GNAS: variants seen among roughly 807,000 people sequenced by gnomAD.
GNAS encodes protein ALEX.
GNAS carries 8 observed loss-of-function variants against 54.5 expected under a neutral mutation model. The ratio of observed to expected loss-of-function variants is 0.15; its 90% CI spans 0.09 to 0.26. The LOEUF (loss-of-function observed/expected upper bound fraction) is 0.26. Ranked by LOEUF, GNAS falls within the 10% of genes least tolerant of loss-of-function variation. The probability of loss-of-function intolerance (pLI) is 1.00; values close to 1 mark genes in which losing one functional copy is unlikely to be tolerated. For synonymous variants in GNAS, 204 were observed against 191.4 expected (o/e 1.07, Z -0.54); for missense variants, 170 against 529.8 (o/e 0.32, Z 6.67).
Position 58,880,965 on chromosome 20 carries a change from C to T in GNAS, c.44-14647C>T, listed in dbSNP as rs3736779. Among the ~76,000 whole-genome samples, 325 of 152,242 alleles carry T rather than the reference C, an allele frequency of 2.1e-3. 8 individuals are homozygous for T. In the East Asian group the frequency reaches 0.043, roughly 20 times the overall value. On this transcript the variant is annotated intron_variant, in intron 1 of 12. Transcript: ENST00000306090. ...AAAACACATTTAACACATTTAAGAACGTGCCAGGTATGAAATATAAAGTAT... is the reference window on the plus strand; with the variant it reads ...AAAACACATTTAACACATTTAAGAATGTGCCAGGTATGAAATATAAAGTAT...
intron 2 of GNAS, chr20:58,897,810 C>G (rs2090207376): frequency 6.6e-6 from 1 of 152,164 alleles, no homozygotes. Context: ...ATCCAACTGC[C>G]TCCTTTTTTC....
Position 58,857,501 on chromosome 20 carries a change from G to A in GNAS, c.43+16615G>A, listed in dbSNP as rs1054465508. On this transcript the variant is annotated intron_variant, in intron 1 of 12. Coordinates refer to the GNAS transcript ENST00000306090. This position sits in a 1 kb window ranked among gnomAD's most constrained non-coding sequence, Gnocchi z 4.1. ...GGGAGGACATAAATGCATACAGACA[G>A]GAGACCCAAGTGACAGTGTGCACCT... Among the ~76,000 whole-genome samples the A allele has an allele frequency of 3.3e-5, 5 of 152,200 alleles. No homozygotes were observed. The highest frequency in any genetic ancestry group is 2.6e-4 in the Admixed American group (4 of 15,280).
chr20:58,889,326 C>T (rs2088879254), upstream of GNAS: 6 of 989,322 alleles, frequency 6.1e-6, no homozygotes, highest in South Asian at 4.6e-5. Context: ...CAGGCGCTGC[C>T]TTGCGTGTGA....
At chr20:58,850,239 TC>T (rs1484820439) in intron 1 of GNAS, among the ~76,000 whole-genome samples, 3 of 152,222 alleles carry the variant, frequency 2.0e-5, no homozygotes, top group Non-Finnish European at 4.4e-5. Flanking sequence ...GGAGTTCTTT[TC>T]TTCCATTTGT....
chr20:58,844,797 CAAAA>C (rs148823649), intron 1 of GNAS, among the ~76,000 whole-genome samples: 3 of 139,242 alleles, frequency 2.2e-5, no homozygotes, highest in Non-Finnish European at 4.7e-5. Flanking sequence ...GACTCCATCT[CAAAA>C]AAAAAACAAA....
chr20:58,900,231 G>C (rs2090483592), intron 3 of GNAS: 2 of 525,508 alleles, frequency 3.8e-6, no homozygotes, highest in East Asian at 3.2e-5. Context: ...TGTACCAAAA[G>C]TTGGCATTTG....
chr20:58,880,551 TA>T (rs557377197), intron 1 of GNAS, among the ~76,000 whole-genome samples: 1 of 152,220 alleles, frequency 6.6e-6, no homozygotes, highest in African/African-American at 2.4e-5. Flanking sequence ...GTCATGTTTC[TA>T]AAAGGACAAG....
intron 1 of GNAS, chr20:58,881,806 A>G (rs1210322615): frequency 2.0e-5 from 3 of 152,208 alleles, no homozygotes; most frequent in African/African-American, 4.8e-5. Context: ...ACCCTGGGAT[A>G]AAAATAGATG....
Position 58,847,498 on chromosome 20 carries a change from T to C in GNAS, c.43+6612T>C, listed in dbSNP as rs763280500. Among the ~76,000 whole-genome samples, 7 of 152,242 alleles carry C rather than the reference T, an allele frequency of 4.6e-5. No individual in the cohort carries two copies. The South Asian group carries it at 8.3e-4, about 18-fold the overall frequency. On this transcript the variant is annotated intron_variant, in intron 1 of 12. Transcript: ENST00000306090. ...AAGTCTATTACTACTCACTCAGCACTCAGAAAACATTTGTCACTGGGAGGC... is the reference window on the plus strand; with the variant it reads ...AAGTCTATTACTACTCACTCAGCACCCAGAAAACATTTGTCACTGGGAGGC...
intron 2 of GNAS, among the ~76,000 whole-genome samples, chr20:58,895,978 C>T (rs527500613): frequency 1.3e-5 from 2 of 152,254 alleles, no homozygotes; most frequent in East Asian, 1.9e-4. Flanking sequence ...CACTTGGCCC[C>T]GTGACAGCCC....
chr20:58,890,118 C>T (rs1600943231), upstream of GNAS, among the ~76,000 whole-genome samples: 1 of 151,664 alleles, frequency 6.6e-6, no homozygotes, highest in Non-Finnish European at 1.5e-5. Flanking sequence ...GCGCAAGAAG[C>T]TCGAGAAGAA....
chr20:58,861,819 C>T (rs189575975), intron 1 of GNAS, among the ~76,000 whole-genome samples: 10 of 150,328 alleles, frequency 6.7e-5, no homozygotes, highest in East Asian at 2.0e-4. Context: ...GATTCTCCTG[C>T]CTCAGCCTCC....
rs999363344 is a variant in GNAS at position 58,875,998 on chromosome 20, C to T, written c.44-19614C>T. 7.9e-5 allele frequency among the ~76,000 whole-genome samples: 12 copies of T among 152,114 alleles called. 1 individual carries two copies. The highest frequency in any genetic ancestry group is 7.9e-4 in the Admixed American group (12 of 15,274). On this transcript the variant is annotated intron_variant, in intron 1 of 12. Transcript: ENST00000306090. ...ATAAACAGCCCCCCCAACTGTCCTG[C>T]GGTTATATCCTTAGGAAAAACTGGG...
upstream of GNAS, among the ~76,000 whole-genome samples, chr20:58,890,476 C>T (rs536938396): frequency 7.2e-5 from 11 of 152,096 alleles, no homozygotes; most frequent in South Asian, 2.1e-4. Flanking sequence ...GCCCACCTGC[C>T]CCTCGTGGTG....
intron 2 of GNAS, 64 bp from the exon 3 acceptor site, chr20:58,898,877 G>A (rs749950541): frequency 9.1e-6 from 12 of 1,312,490 alleles, no homozygotes; most frequent in Non-Finnish European, 1.2e-5. Context: ...GAGAGACTGT[G>A]TGGGGTTTGT....
Position 58,909,669 on chromosome 20 carries a change from C to T in GNAS, c.719-15C>T, listed in dbSNP as rs1160386557. The stretch of plus-strand genomic sequence containing the variant: ...GTCGCTGCTCACGCTCTTGGCTTTG[C>T]TCTCTTTGGTTAAGATGTGACTGCC... On this transcript the variant is annotated splice_polypyrimidine_tract_variant and intron_variant, in intron 9 of 12. Transcript: ENST00000371085. The surrounding 1 kb of genome is among the most constrained non-coding windows in gnomAD (Gnocchi z 7.3). 3 of 1,613,994 alleles carry T rather than the reference C, an allele frequency of 1.9e-6. No homozygotes were observed. The highest frequency in any genetic ancestry group is 2.2e-5 in the East Asian group (1 of 44,898).
intron 1 of GNAS, among the ~76,000 whole-genome samples, chr20:58,866,018 A>C (rs1291950183): frequency 6.6e-6 from 1 of 152,168 alleles, no homozygotes; most frequent in African/African-American, 2.4e-5. Flanking sequence ...CATTGTAGAG[A>C]AGGATGCCAA....
intron 1 of GNAS, among the ~76,000 whole-genome samples, chr20:58,868,102 C>T (rs960952200): frequency 6.6e-6 from 1 of 150,804 alleles, no homozygotes; most frequent in African/African-American, 2.5e-5. Context: ...CTCACTGCAA[C>T]CTCCACCTCC....
At chr20:58,892,034 C>T in intron 1 of GNAS, 169 bp downstream of exon 1, 4 of 844,808 alleles carry the variant, frequency 4.7e-6, no homozygotes, top group Non-Finnish European at 4.3e-6. Flanking sequence ...CCCAGGGGCG[C>T]GGATTCGGCC....
Sources: allele counts gnomAD v4.1 joint callset (sites outside exome capture counted in the v4.1 genomes callset), GRCh38; gene constraint gnomAD v4.1.1; non-coding constraint Gnocchi (gnomAD v3.1); transcripts MANE v1.5; gene names NCBI Gene and HGNC (gene_info 2026-07-23, HGNC 2026-07-21).